TUSC3: variants seen among roughly 807,000 people sequenced by gnomAD.
TUSC3 encodes the protein tumor suppressor candidate 3, also known as dolichyl-diphosphooligosaccharide--protein glycosyltransferase subunit TUSC3.
A neutral mutation model predicts 44.8 loss-of-function variants in TUSC3; 45 were observed. The observed-to-expected ratio is 1.00, with a 90% CI of 0.79 to 1.29. The LOEUF (loss-of-function observed/expected upper bound fraction) is 1.29, where lower values mean the gene tolerates loss of function less well. TUSC3 is among the 50% of genes most tolerant of loss of function. TUSC3 has a pLI of 0.00. For missense variants in TUSC3, 519 were observed against 437.9 expected (o/e 1.19, Z -1.65); for synonymous variants, 212 against 152.9 (o/e 1.39, Z -2.85).
chr8:15,446,973 A>G (rs1485276775), intron 1 of TUSC3, among the ~76,000 whole-genome samples: 3 of 152,072 alleles, frequency 2.0e-5, no homozygotes, highest in Admixed American at 2.0e-4. Flanking sequence ...CACACACCCA[A>G]TGAAGAATGG....
At chr8:15,689,446 G>T in intron 6 of TUSC3, 1 of 171,632 alleles carries the variant, frequency 5.8e-6, no homozygotes. Flanking sequence ...TTGCTCTCTT[G>T]CAGTGCCAAG....
chr8:15,652,015 A>G (rs1418207798), intron 3 of TUSC3, among the ~76,000 whole-genome samples: 6 of 152,182 alleles, frequency 3.9e-5, no homozygotes, highest in Admixed American at 3.9e-4. Flanking sequence ...CAAGGTCACA[A>G]AGTTAGTGTA....
Position 15,582,816 on chromosome 8 carries a change from G to C in TUSC3, c.139-40264G>C, listed in dbSNP as rs142771114. 6.4e-4 allele frequency among the ~76,000 whole-genome samples: 98 copies of C among 152,310 alleles called. No individual in the cohort carries two copies. In the East Asian group the frequency reaches 0.018, roughly 27 times the overall value. ...GTTACAGTCACTCACCACCTCCCCA[G>C]AACTTTACTAGAGCCAGTGACCTTT... On this transcript the variant is annotated intron_variant, in intron 1 of 10. Coordinates refer to ENST00000503731, the MANE Select transcript of TUSC3 (RefSeq NM_006765.4).
chr8:15,706,712 C>T (rs1809629214), intron 6 of TUSC3, among the ~76,000 whole-genome samples: 2 of 151,964 alleles, frequency 1.3e-5, no homozygotes, highest in South Asian at 2.1e-4. Flanking sequence ...ATTACGCCTT[C>T]TGTATGGGTG....
chr8:15,743,089 AC>A (rs529374464), intron 7 of TUSC3, among the ~76,000 whole-genome samples: 104 of 152,326 alleles, frequency 6.8e-4, no homozygotes, highest in African/African-American at 2.3e-3. Context: ...ATGATACCGG[AC>A]CTTCATAAAG....
chr8:15,454,634 G>C (rs919082801), intron 1 of TUSC3, among the ~76,000 whole-genome samples: 4 of 152,068 alleles, frequency 2.6e-5, no homozygotes, highest in Non-Finnish European at 4.4e-5. Context: ...AGTTCCCCTT[G>C]ACTTGTGAAA....
chr8:15,710,633 A>G (rs1028658881), intron 6 of TUSC3, among the ~76,000 whole-genome samples: 2 of 151,834 alleles, frequency 1.3e-5, no homozygotes, highest in African/African-American at 4.8e-5. Context: ...CAGGCTACTT[A>G]TTAAAATGCA....
At chr8:15,645,842 A>T (rs187317149) in intron 2 of TUSC3, among the ~76,000 whole-genome samples, 1 of 152,244 alleles carries the variant, frequency 6.6e-6, no homozygotes, top group East Asian at 1.9e-4. Flanking sequence ...AGTAAAGGAA[A>T]TCTGCCTTAA....
At chr8:15,587,460 T>C (rs551158138) in intron 1 of TUSC3, among the ~76,000 whole-genome samples, 3 of 152,178 alleles carry the variant, frequency 2.0e-5, no homozygotes, top group Non-Finnish European at 4.4e-5. Flanking sequence ...TAACTGTATA[T>C]ATTTATGGAG....
At chr8:15,688,892 G>C (rs1031635437) in intron 6 of TUSC3, 1 of 167,610 alleles carries the variant, frequency 6.0e-6, no homozygotes, top group Non-Finnish European at 1.3e-5. Context: ...CAGATGTAGT[G>C]TTTCCAGGAG....
chr8:15,785,669 C>T, the TUSC3 span, among the ~76,000 whole-genome samples: 2 of 152,206 alleles, frequency 1.3e-5, no homozygotes, highest in Middle Eastern at 6.8e-3. Context: ...CTCCTACACA[C>T]ACACTGATTA....
the TUSC3 span, among the ~76,000 whole-genome samples, chr8:15,796,253 G>A: frequency 3.3e-5 from 5 of 152,146 alleles, no homozygotes; most frequent in African/African-American, 9.7e-5. Flanking sequence ...CTTCCAGCTG[G>A]TCTTACCAGA....
At chr8:15,742,583 A>C (rs1257569151) in intron 7 of TUSC3, among the ~76,000 whole-genome samples, 1 of 152,158 alleles carries the variant, frequency 6.6e-6, no homozygotes, top group Non-Finnish European at 1.5e-5. Context: ...CTGTCCTTTG[A>C]GCTTTTGTTG....
At chr8:15,476,157 A>G (rs910923698) in intron 1 of TUSC3, among the ~76,000 whole-genome samples, 2 of 152,190 alleles carry the variant, frequency 1.3e-5, no homozygotes, top group African/African-American at 4.8e-5. Flanking sequence ...AATAGGTTTT[A>G]TGCTGTTATG....
chr8:15,421,158 C>A (rs1004327498), intron 1 of TUSC3, among the ~76,000 whole-genome samples: 4 of 118,300 alleles, frequency 3.4e-5, no homozygotes, highest in African/African-American at 1.4e-4. Flanking sequence ...TCATATTCTT[C>A]CTTATAGTTA....
intron 1 of TUSC3, among the ~76,000 whole-genome samples, chr8:15,462,913 A>G (rs1226328511): frequency 6.6e-6 from 1 of 152,154 alleles, no homozygotes. Flanking sequence ...GAACAAGTTC[A>G]AAACCAATTT....
At chr8:15,639,777 G>C (rs1806276588) in intron 2 of TUSC3, among the ~76,000 whole-genome samples, 1 of 99,826 alleles carries the variant, frequency 1.0e-5, no homozygotes, top group South Asian at 4.2e-4. Flanking sequence ...AGATGCATAA[G>C]AGTCGTTTTT....
chr8:15,761,954 C>T (rs1357762688), intron 10 of TUSC3, among the ~76,000 whole-genome samples: 3 of 149,308 alleles, frequency 2.0e-5, no homozygotes, highest in Non-Finnish European at 4.4e-5. Context: ...GAAAAAAATA[C>T]GTGTCAGATC....
the TUSC3 span, among the ~76,000 whole-genome samples, chr8:15,797,514 G>A: frequency 6.6e-6 from 1 of 152,164 alleles, no homozygotes; most frequent in Admixed American, 6.6e-5. Context: ...GCTAGAGGAA[G>A]TGTGATAATG....
Sources: allele counts gnomAD v4.1 joint callset (sites outside exome capture counted in the v4.1 genomes callset), GRCh38; gene constraint gnomAD v4.1.1; transcripts MANE v1.5; gene names NCBI Gene and HGNC (gene_info 2026-07-23, HGNC 2026-07-21).